The following AURKA variants were observed in gnomAD, a reference collection of about 807,000 sequenced individuals.
AURKA encodes aurora 2.
AURKA carries 12 observed loss-of-function variants against 40.9 expected under a neutral mutation model. The observed-to-expected ratio is 0.29, with a 90% CI of 0.19 to 0.48. AURKA has a LOEUF of 0.48. Ranked by LOEUF, AURKA falls within the 20% of genes least tolerant of loss-of-function variation. AURKA has a pLI of 0.99. For synonymous variants in AURKA, 170 were observed against 164.3 expected (o/e 1.03, Z -0.26); for missense variants, 322 against 462.1 (o/e 0.70, Z 2.78).
Position 56,383,113 on chromosome 20 carries a change from A to G in AURKA, c.438T>C (p.Asn146=). Reference sequence around the variant, plus strand: ...TTTGCTTTTCTCTTGCCAAATAAACATTACCAAACTTTCCTTTACCCAGAG... The same window carrying G: ...TTTGCTTTTCTCTTGCCAAATAAACGTTACCAAACTTTCCTTTACCCAGAG... ...GRPLGKGKFG[N]VYLAREKQSK... is the part of the protein sequence containing the mutation. Residue 146 remains asparagine, a synonymous_variant, in exon 5 of 9, where the codon AAT becomes AAC. Transcript: ENST00000395915. 6.2e-7 allele frequency: 1 copy of G among 1,614,238 alleles called. No individual in the cohort carries two copies. Among genetic ancestry groups the G allele is most frequent in the African/African-American group, 1.3e-5 (1 of 75,068 alleles).
At position 56,386,552 on chromosome 20, in the gene AURKA, T is replaced by C; in HGVS notation, c.43-19A>G. On this transcript the variant is annotated intron_variant, in intron 2 of 8. Coordinates refer to ENST00000395915, the MANE Select transcript of AURKA (RefSeq NM_198437.3). ...CTGTAGCCTAGAATGGAAGAGAAAA[T>C]AAACTTTCTGGCATTCATGAAAGCA... 1.2e-6 allele frequency: 2 copies of C among 1,614,108 alleles called. No homozygotes were observed. The highest frequency in any genetic ancestry group is 1.1e-5 in the South Asian group (1 of 91,086).
chr20:56,377,185 G>A (rs754397252), intron 6 of AURKA, among the ~76,000 whole-genome samples: 82 of 152,296 alleles, frequency 5.4e-4, no homozygotes, highest in Non-Finnish European at 1.2e-3. Context: ...ACCTACTCAG[G>A]AGGATCACTT....
At chr20:56,372,995 G>T (rs1482612794) in intron 7 of AURKA, among the ~76,000 whole-genome samples, 3 of 152,182 alleles carry the variant, frequency 2.0e-5, no homozygotes, top group Non-Finnish European at 4.4e-5. Flanking sequence ...GATATGGCCT[G>T]CACTCTGAGC....
chr20:56,376,632 A>C (rs1339333949), intron 6 of AURKA, among the ~76,000 whole-genome samples: 1 of 152,230 alleles, frequency 6.6e-6, no homozygotes, highest in Non-Finnish European at 1.5e-5. Context: ...CCACCATTCA[A>C]CATGCTTTAT....
At chr20:56,372,066 A>G (rs532661833) in intron 7 of AURKA, among the ~76,000 whole-genome samples, 83 of 152,316 alleles carry the variant, frequency 5.4e-4, no homozygotes, top group African/African-American at 1.9e-3. Context: ...AAGGTTGGAA[A>G]AAAGCTGGGA....
intron 6 of AURKA, among the ~76,000 whole-genome samples, chr20:56,380,575 C>G (rs1228381480): frequency 6.6e-6 from 1 of 152,170 alleles, no homozygotes; most frequent in Admixed American, 6.5e-5. Flanking sequence ...CATCCACTCT[C>G]TACTCCTTAA....
chr20:56,373,674 G>A lies in AURKA; in HGVS notation c.706-118C>T. The A allele has an allele frequency of 8.4e-7, 1 of 1,183,964 alleles. No individual in the cohort carries two copies. Among genetic ancestry groups the A allele is most frequent in the African/African-American group, 1.5e-5 (1 of 65,886 alleles). The allele number at this position is 1,183,964 out of a possible 1,614,324, so 73.3% of individuals were successfully genotyped here. On this transcript the variant is annotated intron_variant, in intron 6 of 8. Coordinates refer to ENST00000395915, the MANE Select transcript of AURKA (RefSeq NM_198437.3). The surrounding 1 kb of genome is among the most constrained non-coding windows in gnomAD (Gnocchi z 5.0). Reference sequence around the variant, plus strand: ...TAACATGGTTTGCAGGTTTTGGCCAGGCACAGTGGCTCACACCTATAATCC... The same window carrying A: ...TAACATGGTTTGCAGGTTTTGGCCAAGCACAGTGGCTCACACCTATAATCC...
chr20:56,373,327 C>A lies in AURKA; in HGVS notation c.854+81G>T. ...CCCCTCTTACAGCACAAAATCTACA[C>A]TGAAATATTTTACATTTAGCTCACG... On this transcript the variant is annotated intron_variant, in intron 7 of 8. Transcript: ENST00000395915. The surrounding 1 kb of genome is among the most constrained non-coding windows in gnomAD (Gnocchi z 5.0). 6.2e-7 allele frequency: 1 copy of A among 1,603,526 alleles called. No homozygotes were observed. Among genetic ancestry groups the A allele is most frequent in the Non-Finnish European group, 8.5e-7 (1 of 1,172,320 alleles).
intron 5 of AURKA, 42 bp from the exon 6 acceptor site, chr20:56,381,613 C>T: frequency 6.2e-7 from 1 of 1,609,582 alleles, no homozygotes; most frequent in Admixed American, 1.7e-5. Flanking sequence ...GTTTGGAGCT[C>T]ACAGAAGACT....
At chr20:56,380,658 T>C (rs1265438865) in intron 6 of AURKA, among the ~76,000 whole-genome samples, 1 of 152,140 alleles carries the variant, frequency 6.6e-6, no homozygotes, top group African/African-American at 2.4e-5. Flanking sequence ...AACTTTACAG[T>C]GGAGAAACCA....
chr20:56,386,631 A>G, intron 2 of AURKA, 98 bp from the exon 3 acceptor site: 1 of 1,339,906 alleles, frequency 7.5e-7, no homozygotes, highest in South Asian at 1.2e-5. Context: ...ATAGCAAAAT[A>G]ATGAATGTCA....
Position 56,373,316 on chromosome 20 carries a change from C to T in AURKA, c.854+92G>A. On this transcript the variant is annotated intron_variant, in intron 7 of 8. Coordinates refer to ENST00000395915, the MANE Select transcript of AURKA (RefSeq NM_198437.3). The surrounding 1 kb of genome is among the most constrained non-coding windows in gnomAD (Gnocchi z 5.0). ...TTAGCCACCTACCCCTCTTACAGCACAAAATCTACACTGAAATATTTTACA... is the reference window on the plus strand; with the variant it reads ...TTAGCCACCTACCCCTCTTACAGCATAAAATCTACACTGAAATATTTTACA... 6.3e-7 allele frequency: 1 copy of T among 1,595,602 alleles called. No homozygotes were observed. The highest frequency in any genetic ancestry group is 2.2e-5 in the East Asian group (1 of 44,728).
intron 3 of AURKA, 62 bp downstream of exon 3, chr20:56,386,195 C>A: frequency 6.3e-7 from 1 of 1,597,888 alleles, no homozygotes. Context: ...AGTATATACA[C>A]TGGCTTTTTT....
chr20:56,384,475 T>C (rs1243519561), intron 3 of AURKA, 151 bp from the exon 4 acceptor site: 1 of 656,314 alleles, frequency 1.5e-6, no homozygotes. Context: ...GTTTTCCTTA[T>C]AGAAAAAAAG....
intron 1 of AURKA, chr20:56,390,574 T>C (rs1443449761): frequency 6.6e-6 from 1 of 152,112 alleles, no homozygotes; most frequent in East Asian, 1.9e-4. Flanking sequence ...CCGAAAATGC[T>C]GGGATTACGG....
chr20:56,385,848 C>T (rs975343084), intron 3 of AURKA, among the ~76,000 whole-genome samples: 2 of 152,160 alleles, frequency 1.3e-5, no homozygotes, highest in African/African-American at 4.8e-5. Flanking sequence ...GATGAGGCCC[C>T]ATTCCTTAAC....
intron 4 of AURKA, among the ~76,000 whole-genome samples, chr20:56,383,382 A>C (rs1203429743): frequency 6.6e-6 from 1 of 152,200 alleles, no homozygotes; most frequent in Non-Finnish European, 1.5e-5. Context: ...CAGGTGTGAG[A>C]GTCAGTGACA....
chr20:56,380,495 A>G (rs966737816), intron 6 of AURKA, among the ~76,000 whole-genome samples: 5 of 152,200 alleles, frequency 3.3e-5, no homozygotes, highest in East Asian at 3.8e-4. Flanking sequence ...AAATAAATAA[A>G]TGATTAAATA....
At chr20:56,382,635 C>A (rs1412260236) in intron 5 of AURKA, among the ~76,000 whole-genome samples, 1 of 151,452 alleles carries the variant, frequency 6.6e-6, no homozygotes, top group Non-Finnish European at 1.5e-5. Context: ...GATCAGAGCA[C>A]TTAAGTGCTC....
Sources: allele counts gnomAD v4.1 joint callset (sites outside exome capture counted in the v4.1 genomes callset), GRCh38; gene constraint gnomAD v4.1.1; non-coding constraint Gnocchi (gnomAD v3.1); transcripts MANE v1.5; gene names NCBI Gene and HGNC (gene_info 2026-07-23, HGNC 2026-07-21).